ERBB4: variants seen among roughly 807,000 people sequenced by gnomAD.
ERBB4 encodes receptor tyrosine-protein kinase erbB-4.
A neutral mutation model predicts 158.0 loss-of-function variants in ERBB4; 42 were observed. The observed-to-expected ratio is 0.27, with a 90% CI of 0.21 to 0.34. ERBB4 has a LOEUF of 0.34. Among genes scored for constraint, ERBB4 ranks in the 10% least tolerant of loss-of-function variants. ERBB4 has a pLI of 1.00. For synonymous variants in ERBB4, 583 were observed against 558.7 expected (o/e 1.04, Z -0.61); for missense variants, 1,333 against 1,624.1 (o/e 0.82, Z 3.08).
intron 2 of ERBB4, among the ~76,000 whole-genome samples, chr2:211,998,484 T>C (rs1171026917): frequency 2.0e-5 from 3 of 147,642 alleles, no homozygotes; most frequent in African/African-American, 7.5e-5. Flanking sequence ...CAGACCCAGG[T>C]ATATCTGACT....
intron 19 of ERBB4, among the ~76,000 whole-genome samples, chr2:211,609,684 C>A (rs1370577236): frequency 1.3e-5 from 2 of 152,136 alleles, no homozygotes; most frequent in African/African-American, 2.4e-5. Context: ...GCTAGGACTA[C>A]AGGGGTAGGA....
chr2:211,397,887 A>G (rs144241495), intron 25 of ERBB4, among the ~76,000 whole-genome samples: 177 of 152,264 alleles, frequency 1.2e-3, no homozygotes, highest in African/African-American at 3.6e-3. Flanking sequence ...GAGGGCATCT[A>G]TTTAGTCTGA....
intron 1 of ERBB4, among the ~76,000 whole-genome samples, chr2:212,276,574 A>T (rs16848144): frequency 0.075 from 11,454 of 151,848 alleles, 581 homozygotes; most frequent in African/African-American, 0.14. Context: ...GTGCACAGAG[A>T]TTATGGTCAA....
At chr2:211,679,685 C>CTG (rs1488311891) in intron 12 of ERBB4, among the ~76,000 whole-genome samples, 2 of 5,698 alleles carry the variant, frequency 3.5e-4, no homozygotes, top group African/African-American at 8.2e-4. Flanking sequence ...CACAAGTTTT[C>CTG]TCGTTTGTTT....
chr2:211,757,324 T>TA (rs985947059), intron 4 of ERBB4, among the ~76,000 whole-genome samples: 28 of 152,192 alleles, frequency 1.8e-4, no homozygotes, highest in African/African-American at 5.8e-4. Context: ...TCTTCCTTGC[T>TA]AAAAAATATG....
At chr2:212,014,382 C>G (rs73083315) in intron 2 of ERBB4, among the ~76,000 whole-genome samples, 5,124 of 152,234 alleles carry the variant, frequency 0.034, 113 homozygotes, top group African/African-American at 0.057. Context: ...TAAAGTAAAA[C>G]TATTCACATA....
At chr2:211,722,160 C>T (rs1402726427) in intron 7 of ERBB4, among the ~76,000 whole-genome samples, 1 of 152,156 alleles carries the variant, frequency 6.6e-6, no homozygotes, top group Non-Finnish European at 1.5e-5. Context: ...TGCGCCCAGC[C>T]ACAGTAGGAG....
At chr2:211,456,785 G>T (rs1324489297) in intron 20 of ERBB4, among the ~76,000 whole-genome samples, 1 of 152,016 alleles carries the variant, frequency 6.6e-6, no homozygotes, top group Non-Finnish European at 1.5e-5. Flanking sequence ...TCCCTCGCAT[G>T]CACAGTTCAC....
rs758171286 is a variant in ERBB4, at chr2:212,379,801, CTG to C, written c.82+158646_82+158647del. Among the ~76,000 whole-genome samples, 883 of 149,194 alleles carry C rather than the reference CTG, an allele frequency of 5.9e-3. 2 individuals carry two copies. Among genetic ancestry groups the C allele is most frequent in the African/African-American group, 0.02 (812 of 40,980 alleles). On this transcript the variant is annotated intron_variant, in intron 1 of 27. Coordinates refer to ENST00000342788, the MANE Select transcript of ERBB4 (RefSeq NM_005235.3). Reference sequence around the variant, plus strand: ...TATATTTTTCTTTTCTCTCTCTCCTCTGTGTGTGTGTGTGTGTATGTGTGTGT... The same window carrying C: ...TATATTTTTCTTTTCTCTCTCTCCTCTGTGTGTGTGTGTGTATGTGTGTGT...
chr2:212,124,699 A>T (rs2079866142), intron 2 of ERBB4, 53 bp downstream of exon 2: 1 of 1,602,220 alleles, frequency 6.2e-7, no homozygotes, highest in East Asian at 2.2e-5. Context: ...GCCTGTATGC[A>T]TCATGACGCC....
chr2:211,910,278 T>C (rs1465444356), intron 3 of ERBB4, among the ~76,000 whole-genome samples: 2 of 151,360 alleles, frequency 1.3e-5, no homozygotes, highest in African/African-American at 2.4e-5. Context: ...TAATTCTGAT[T>C]TCACATTAAG....
At chr2:212,101,147 A>T (rs1363156868) in intron 2 of ERBB4, among the ~76,000 whole-genome samples, 1 of 151,934 alleles carries the variant, frequency 6.6e-6, no homozygotes, top group Non-Finnish European at 1.5e-5. Context: ...TTAAGTTATG[A>T]TCTTGCATTA....
At chr2:212,057,420 C>A (rs1170588096) in intron 2 of ERBB4, among the ~76,000 whole-genome samples, 1 of 152,160 alleles carries the variant, frequency 6.6e-6, no homozygotes, top group Non-Finnish European at 1.5e-5. Flanking sequence ...CAGCTCTGCA[C>A]CAAGTGGACC....
At chr2:211,868,997 G>T (rs771287643) in intron 3 of ERBB4, among the ~76,000 whole-genome samples, 2 of 151,726 alleles carry the variant, frequency 1.3e-5, no homozygotes. Context: ...TCATTATGTT[G>T]CTCCCTACAT....
At chr2:211,510,781 T>TC (rs2065866801) in intron 20 of ERBB4, among the ~76,000 whole-genome samples, 1 of 152,084 alleles carries the variant, frequency 6.6e-6, no homozygotes, top group African/African-American at 2.4e-5. Flanking sequence ...CCATTTTTTT[T>TC]CTCAGAAATT....
chr2:212,243,186 T>C (rs1018828399), intron 1 of ERBB4, among the ~76,000 whole-genome samples: 3 of 152,166 alleles, frequency 2.0e-5, no homozygotes, highest in African/African-American at 7.2e-5. Context: ...TGTTGTTTCA[T>C]TTTTTTAATA....
chr2:211,592,180 G>A (rs1239105270), intron 19 of ERBB4, among the ~76,000 whole-genome samples: 1 of 67,934 alleles, frequency 1.5e-5, no homozygotes, highest in Non-Finnish European at 4.1e-5. Flanking sequence ...CTAGACGCCC[G>A]GTAGACGCAG....
At position 211,678,763 on chromosome 2, in the gene ERBB4, G is replaced by A. The variant is rs189159293; in HGVS notation, c.1622+289C>T. ...AGGCGGATCACTAGGTTAGGAGTTC[G>A]AGACCATCCTGGCTAACACGGTGAA... On this transcript the variant is annotated intron_variant, in intron 13 of 27. Coordinates refer to ENST00000342788, the MANE Select transcript of ERBB4 (RefSeq NM_005235.3). 0.021 allele frequency among the ~76,000 whole-genome samples: 3,227 copies of A among 151,794 alleles called. 116 individuals carry two copies. The highest frequency in any genetic ancestry group is 0.075 in the African/African-American group (3,088 of 41,418).
chr2:212,339,885 G>T (rs754196157), intron 1 of ERBB4, among the ~76,000 whole-genome samples: 12 of 151,930 alleles, frequency 7.9e-5, no homozygotes, highest in Non-Finnish European at 1.3e-4. Flanking sequence ...AAAATTATTA[G>T]TGTCAAAATA....
Sources: gnomAD v4.1 joint callset for allele counts (sites outside exome capture counted in the v4.1 genomes callset) on GRCh38, gnomAD v4.1.1 for gene constraint, MANE v1.5 for transcripts, NCBI Gene and HGNC (gene_info 2026-07-23, HGNC 2026-07-21) for gene names.